Variants in WDFY1 observed in about 807,000 individuals in gnomAD.
WDFY1 encodes the protein WD repeat and FYVE domain containing 1, also known as WD repeat and FYVE domain-containing protein 1.
In WDFY1, 32 loss-of-function variants were observed where a neutral mutation model predicts 56.4. The ratio of observed to expected loss-of-function variants is 0.57; its 90% confidence interval spans 0.43 to 0.76. The LOEUF is 0.76. WDFY1 is among the 30% of genes least tolerant of loss of function. The pLI, the probability that WDFY1 is intolerant of heterozygous loss-of-function variation, is 0.00. For synonymous variants in WDFY1, 192 were observed against 197.3 expected (o/e 0.97, Z 0.23); for missense variants, 480 against 545.7 (o/e 0.88, Z 1.20).
At chr2:223,924,068 T>C (rs973825401) in intron 1 of WDFY1, among the ~76,000 whole-genome samples, 1 of 152,154 alleles carries the variant, frequency 6.6e-6, no homozygotes. Context: ...CTTAGAAACG[T>C]GTTCATTCTT....
intron 6 of WDFY1, among the ~76,000 whole-genome samples, chr2:223,896,753 G>A (rs1408918813): frequency 2.0e-5 from 3 of 152,130 alleles, no homozygotes; most frequent in African/African-American, 7.2e-5. Flanking sequence ...TCCAAAAACA[G>A]AACAAAAGTA....
chr2:223,928,126 G>A (rs184387010), intron 1 of WDFY1, among the ~76,000 whole-genome samples: 1 of 152,120 alleles, frequency 6.6e-6, no homozygotes, highest in Non-Finnish European at 1.5e-5. Context: ...CACCACAACA[G>A]ATATAATAAT....
rs1689354127 is a variant in WDFY1 at position 223,943,806 on chromosome 2, C to T, written c.137+1342G>A. 6.6e-5 allele frequency among the ~76,000 whole-genome samples: 10 copies of T among 152,322 alleles called. No individual in the cohort carries two copies. In the South Asian group the frequency reaches 2.1e-3, roughly 32 times the overall value. On this transcript the variant is annotated intron_variant, in intron 1 of 11. Coordinates refer to ENST00000233055, the MANE Select transcript of WDFY1 (RefSeq NM_020830.5). ...CTGGTGGGAGTTCTGGATTGCATTTCCGGCTTCACCAGTATCTCTGTAACT... is the reference window on the plus strand; with the variant it reads ...CTGGTGGGAGTTCTGGATTGCATTTTCGGCTTCACCAGTATCTCTGTAACT...
rs1279849797 is a variant in WDFY1, at chr2:223,926,859, GA to G, written c.138-8850del. Among the ~76,000 whole-genome samples, 11 of 152,086 alleles carry G rather than the reference GA, an allele frequency of 7.2e-5. No homozygotes were observed. The South Asian group carries it at 2.1e-3, about 29-fold the overall frequency. On this transcript the variant is annotated intron_variant, in intron 1 of 11. Transcript: ENST00000233055. ...ATTTTTGTATTTTTAGTAGAGCCGG[GA>G]TTTTGCCATGTTGGCCAGGCTGGTG...
intron 6 of WDFY1, among the ~76,000 whole-genome samples, chr2:223,897,390 A>ATATATATATATTTTTTTTTT (rs1461451983): frequency 7.9e-6 from 1 of 125,994 alleles, no homozygotes; most frequent in East Asian, 2.3e-4. Flanking sequence ...ATATATATAT[A>ATATATATATATTTTTTTTTT]TTTTTTAAGA....
At position 223,894,353 on chromosome 2, in the gene WDFY1, A is replaced by G. The variant is rs372190763; in HGVS notation, c.726-14T>C. On this transcript the variant is annotated splice_polypyrimidine_tract_variant and intron_variant, in intron 7 of 11. Transcript: ENST00000233055. ...TGCACCTTGTCACTGCAAACAGCAC[A>G]CACAACAGTCACTTGTCTCCATGCG... 9.9e-6 allele frequency: 16 copies of G among 1,613,674 alleles called. No homozygotes were observed. Among genetic ancestry groups the G allele is most frequent in the Non-Finnish European group, 1.7e-6 (2 of 1,179,716 alleles).
At chr2:223,913,144 C>T (rs555147894) in intron 2 of WDFY1, among the ~76,000 whole-genome samples, 39 of 149,974 alleles carry the variant, frequency 2.6e-4, no homozygotes, top group African/African-American at 9.1e-4. Flanking sequence ...CTTTGGGAGG[C>T]CAAGGCAGGA....
Position 223,878,448 on chromosome 2 carries a change from C to A in WDFY1, c.*223G>T. 2 of 430,260 alleles carry A rather than the reference C, an allele frequency of 4.6e-6. No homozygotes were observed. Among genetic ancestry groups the A allele is most frequent in the Non-Finnish European group, 8.4e-6 (2 of 238,790 alleles). 26.7% of individuals were successfully genotyped at this position (430,260 alleles called of 1,614,324 possible). On this transcript the variant is annotated 3_prime_UTR_variant, in exon 12 of 12. Coordinates refer to ENST00000233055, the MANE Select transcript of WDFY1 (RefSeq NM_020830.5). ...TGGGGAAGTTTTGCTGAAGTAATTC[C>A]AGTCTTCAGGGAACCACTATGGACA...
intron 8 of WDFY1, among the ~76,000 whole-genome samples, chr2:223,885,574 G>C (rs1231094433): frequency 6.6e-6 from 1 of 152,086 alleles, no homozygotes. Context: ...AGATAGGAGG[G>C]AGTAAATCAG....
chr2:223,908,605 G>C (rs1313564815), intron 3 of WDFY1, among the ~76,000 whole-genome samples: 1 of 152,088 alleles, frequency 6.6e-6, no homozygotes, highest in East Asian at 1.9e-4. Context: ...CATTTCCCTA[G>C]GAATGTGACC....
chr2:223,888,990 G>A (rs1234804030), intron 8 of WDFY1, among the ~76,000 whole-genome samples: 4 of 140,312 alleles, frequency 2.9e-5, no homozygotes, highest in Admixed American at 7.8e-5. Context: ...TGCAACCTCC[G>A]CCTCCTGGGT....
chr2:223,900,015 A>C (rs553424251), intron 5 of WDFY1, among the ~76,000 whole-genome samples: 1 of 152,310 alleles, frequency 6.6e-6, no homozygotes, highest in Admixed American at 6.5e-5. Flanking sequence ...AATTTAGAAA[A>C]TATATTAACT....
Position 223,925,959 on chromosome 2 carries a change from C to T in WDFY1, c.138-7949G>A, listed in dbSNP as rs559817411. On this transcript the variant is annotated intron_variant, in intron 1 of 11. Transcript: ENST00000233055. ...ATCTGCAGTTACTGAAGGCTTGAAC[C>T]CCTCAAAGTTATCCATGAGGGCTGG... 8.8e-4 allele frequency among the ~76,000 whole-genome samples: 134 copies of T among 152,286 alleles called. 2 individuals carry two copies. Among genetic ancestry groups the T allele is most frequent in the Admixed American group, 6.9e-3 (106 of 15,300 alleles).
At chr2:223,920,138 A>G (rs1373215521) in intron 1 of WDFY1, among the ~76,000 whole-genome samples, 1 of 152,264 alleles carries the variant, frequency 6.6e-6, no homozygotes, top group African/African-American at 2.4e-5. Context: ...AACTTGAAGA[A>G]ATATTTTCAA....
At chr2:223,898,157 C>A (rs1693431469) in intron 6 of WDFY1, among the ~76,000 whole-genome samples, 1 of 152,056 alleles carries the variant, frequency 6.6e-6, no homozygotes, top group South Asian at 2.1e-4. Context: ...CTTCACCAAC[C>A]CACTGCACTA....
At chr2:223,944,287 T>C (rs1349441568) in intron 1 of WDFY1, among the ~76,000 whole-genome samples, 2 of 152,224 alleles carry the variant, frequency 1.3e-5, no homozygotes, top group Admixed American at 6.5e-5. Context: ...TCCTCCACGC[T>C]TCCAGAGGAG....
chr2:223,940,371 C>A (rs560150005), intron 1 of WDFY1, among the ~76,000 whole-genome samples: 1 of 152,248 alleles, frequency 6.6e-6, no homozygotes, highest in Non-Finnish European at 1.5e-5. Flanking sequence ...CCAATTTACA[C>A]ACACACATAC....
chr2:223,882,031 G>A lies in WDFY1; in HGVS notation c.975C>T (p.Cys325=), dbSNP rs1559161558. 1 of 1,613,982 alleles carries A rather than the reference G, an allele frequency of 6.2e-7. No homozygotes were observed. The highest frequency in any genetic ancestry group is 1.1e-5 in the South Asian group (1 of 91,076). The stretch of plus-strand genomic sequence containing the variant: ...CTGGGTAACTTGAGCGCTTGCTGCT[G>A]CACTTCCCGCAGACAGCCTGCCCGC... ...RKCGQAVCGK[C]SSKRSSYPVM... Residue 325 remains cysteine (C), a synonymous_variant, in exon 10 of 12, where the codon TGC becomes TGT. Coordinates refer to ENST00000233055, the MANE Select transcript of WDFY1 (RefSeq NM_020830.5).
chr2:223,912,378 G>T (rs770036173), intron 2 of WDFY1, 52 bp from the exon 3 acceptor site: 2 of 1,355,140 alleles, frequency 1.5e-6, no homozygotes, highest in Non-Finnish European at 2.0e-6. Flanking sequence ...ACTTTAAGTT[G>T]TTCTTCAAAG....
Sources: allele counts gnomAD v4.1 joint callset (sites outside exome capture counted in the v4.1 genomes callset), GRCh38; gene constraint gnomAD v4.1.1; transcripts MANE v1.5; gene names NCBI Gene and HGNC (gene_info 2026-07-23, HGNC 2026-07-21).